ABCC4: variants seen among roughly 807,000 people sequenced by gnomAD.
ABCC4 encodes ATP binding cassette subfamily C member 4 (PEL blood group), also known as ATP-binding cassette sub-family C member 4.
In ABCC4, 102 loss-of-function variants were observed where a neutral mutation model predicts 168.5. The ratio of observed to expected loss-of-function variants is 0.61; its 90% CI spans 0.52 to 0.71. The LOEUF (loss-of-function observed/expected upper bound fraction) is 0.71. Ranked by LOEUF, ABCC4 falls within the 30% of genes least tolerant of loss-of-function variation. The pLI is 0.00. For synonymous variants in ABCC4, 617 were observed against 590.7 expected (o/e 1.04, Z -0.65); for missense variants, 1,402 against 1,605.8 (o/e 0.87, Z 2.17).
intron 27 of ABCC4, among the ~76,000 whole-genome samples, chr13:95,049,534 G>T (rs1194824213): frequency 1.3e-5 from 2 of 151,828 alleles, no homozygotes; most frequent in Non-Finnish European, 2.9e-5. Flanking sequence ...ACAGCTACTC[G>T]GGAGGCTGAG....
chr13:95,156,929 C>T (rs900211486), intron 19 of ABCC4, among the ~76,000 whole-genome samples: 13 of 152,052 alleles, frequency 8.5e-5, no homozygotes, highest in Admixed American at 7.2e-4. Context: ...CCCATCTCTA[C>T]TAAAAATACA....
chr13:95,047,007 A>C (rs1404952275), intron 27 of ABCC4, among the ~76,000 whole-genome samples: 2 of 152,210 alleles, frequency 1.3e-5, no homozygotes, highest in African/African-American at 4.8e-5. Flanking sequence ...GGAGGTACAC[A>C]TACATATTTA....
At chr13:95,225,996 G>T (rs8001451) in intron 4 of ABCC4, among the ~76,000 whole-genome samples, 141,386 of 144,256 alleles carry the variant, frequency 0.98, 69,354 homozygotes, top group Middle Eastern at 1. Context: ...AAAAAGAAAT[G>T]TATAAAGATG....
intron 30 of ABCC4, among the ~76,000 whole-genome samples, chr13:95,033,729 C>A (rs1342604251): frequency 1.4e-5 from 2 of 147,000 alleles, no homozygotes; most frequent in African/African-American, 5.1e-5. Flanking sequence ...GTGGCGTGAT[C>A]TTGGCCCACC....
chr13:95,070,911 T>A (rs1400749375), intron 25 of ABCC4, among the ~76,000 whole-genome samples: 1 of 152,302 alleles, frequency 6.6e-6, no homozygotes, highest in East Asian at 1.9e-4. Flanking sequence ...CCTGATAATG[T>A]TTGGCTGTGT....
rs141091740 is a variant in ABCC4, at chr13:95,095,205, A to G, written c.2536-11915T>C. On this transcript the variant is annotated intron_variant, in intron 20 of 30. Transcript: ENST00000645237. Reference sequence around the variant, plus strand: ...AAGATACTTGCACACACATGTTTATAGCAGCACGATTCACAATTGCAAAAT... The same window carrying G: ...AAGATACTTGCACACACATGTTTATGGCAGCACGATTCACAATTGCAAAAT... Among the ~76,000 whole-genome samples the G allele has an allele frequency of 1.8e-3, 280 of 152,356 alleles. 3 individuals are homozygous for G. Among genetic ancestry groups the G allele is most frequent in the African/African-American group, 5.7e-3 (237 of 41,592 alleles).
chr13:95,221,694 G>T (rs912545978), intron 4 of ABCC4, among the ~76,000 whole-genome samples: 9 of 150,504 alleles, frequency 6.0e-5, no homozygotes, highest in African/African-American at 2.0e-4. Context: ...TTTCAGGGCA[G>T]GGCAATGAAA....
At chr13:95,195,820 G>C (rs1235260526) in intron 8 of ABCC4, among the ~76,000 whole-genome samples, 1 of 152,016 alleles carries the variant, frequency 6.6e-6, no homozygotes, top group African/African-American at 2.4e-5. Flanking sequence ...TTACACTGGA[G>C]ACAGGGTTTC....
At chr13:95,088,157 C>T (rs1331997766) in intron 20 of ABCC4, among the ~76,000 whole-genome samples, 1 of 152,168 alleles carries the variant, frequency 6.6e-6, no homozygotes, top group Non-Finnish European at 1.5e-5. Flanking sequence ...CCTCTCCCTT[C>T]CTTTGTGGTC....
chr13:95,250,142 C>A (rs564686877), intron 1 of ABCC4, among the ~76,000 whole-genome samples: 2 of 152,332 alleles, frequency 1.3e-5, no homozygotes, highest in East Asian at 3.9e-4. Flanking sequence ...TATGTAAGGA[C>A]TTTATACATG....
intron 9 of ABCC4, among the ~76,000 whole-genome samples, chr13:95,192,321 C>A (rs191804666): frequency 3.3e-4 from 50 of 152,126 alleles, no homozygotes; most frequent in Admixed American, 3.3e-3. Context: ...CCCACCCCAG[C>A]ACCCTCTCAG....
chr13:95,044,588 G>T, intron 27 of ABCC4, 150 bp from the exon 28 acceptor site: 3 of 609,698 alleles, frequency 4.9e-6, no homozygotes, highest in Non-Finnish European at 5.3e-6. Context: ...TCTAGTTAAT[G>T]TTCAATGAGA....
At chr13:95,140,275 G>A (rs2036276655) in intron 19 of ABCC4, among the ~76,000 whole-genome samples, 1 of 152,104 alleles carries the variant, frequency 6.6e-6, no homozygotes, top group Admixed American at 6.5e-5. Flanking sequence ...AGCACTTCAT[G>A]GACTCGGCAT....
intron 20 of ABCC4, among the ~76,000 whole-genome samples, chr13:95,105,692 A>G (rs1050739864): frequency 3.3e-5 from 5 of 152,164 alleles, no homozygotes; most frequent in Admixed American, 2.6e-4. Context: ...TGGCCTCGGC[A>G]CTGCTGGACA....
chr13:95,082,822 C>T (rs2034140731), intron 21 of ABCC4, among the ~76,000 whole-genome samples: 1 of 151,988 alleles, frequency 6.6e-6, no homozygotes, highest in Non-Finnish European at 1.5e-5. Context: ...AATTAAGTGC[C>T]GGCTTTGTGT....
intron 9 of ABCC4, among the ~76,000 whole-genome samples, chr13:95,188,951 A>C (rs1298432380): frequency 6.6e-6 from 1 of 152,092 alleles, no homozygotes; most frequent in Non-Finnish European, 1.5e-5. Context: ...ATAGGTATAC[A>C]TGTGCCATGG....
At position 95,116,017 on chromosome 13, in the gene ABCC4, AT is replaced by A. The variant is rs2035366460; in HGVS notation, c.2456-17del. 6.3e-7 allele frequency: 1 copy of A among 1,595,306 alleles called. No individual in the cohort carries two copies. The highest frequency in any genetic ancestry group is 8.6e-7 in the Non-Finnish European group (1 of 1,168,398). On this transcript the variant is annotated splice_polypyrimidine_tract_variant and intron_variant, in intron 19 of 30. Transcript: ENST00000645237. The stretch of plus-strand genomic sequence containing the variant: ...AAAATTCTTCCTGCAAGAACAGGAT[AT>A]GAAAAATTACTCATTTCCCCAGATA...
chr13:95,224,313 G>A (rs575109107), intron 4 of ABCC4, among the ~76,000 whole-genome samples: 2 of 152,134 alleles, frequency 1.3e-5, no homozygotes, highest in South Asian at 4.1e-4. Flanking sequence ...CCTTTGAAGG[G>A]AGAGGGGCAG....
chr13:95,083,788 G>A (rs1248363489), intron 20 of ABCC4, among the ~76,000 whole-genome samples: 1 of 152,086 alleles, frequency 6.6e-6, no homozygotes, highest in Non-Finnish European at 1.5e-5. Flanking sequence ...CTCCCAAAGT[G>A]CTGGAATTAT....
Sources: gnomAD v4.1 joint callset for allele counts (sites outside exome capture counted in the v4.1 genomes callset) on GRCh38, gnomAD v4.1.1 for gene constraint, MANE v1.5 for transcripts, NCBI Gene and HGNC (gene_info 2026-07-23, HGNC 2026-07-21) for gene names.